The following USP6NL variants were observed in gnomAD, a reference collection of about 807,000 sequenced individuals.
USP6NL encodes USP6 N-terminal-like protein.
A neutral mutation model predicts 61.9 loss-of-function variants in USP6NL; 26 were observed. That is an observed-to-expected ratio of 0.42 (90% CI 0.31 to 0.58). The LOEUF is 0.58. Ranked by LOEUF, USP6NL falls within the 20% of genes least tolerant of loss-of-function variation. USP6NL has a pLI of 0.16. For synonymous variants in USP6NL, 432 were observed against 390.1 expected, an observed-to-expected ratio of 1.11 and a Z score of -1.27; for missense variants, 1,114 against 1,034.3, an observed-to-expected ratio of 1.08 and a Z score of -1.06.
intron 10 of USP6NL, among the ~76,000 whole-genome samples, chr10:11,486,646 A>G (rs1392067337): frequency 6.6e-6 from 1 of 152,248 alleles, no homozygotes; most frequent in Non-Finnish European, 1.5e-5. Flanking sequence ...TTAGGATCCA[A>G]CCTGGGTTCC....
chr10:11,587,426 AAC>A lies in USP6NL; in HGVS notation c.4+10203_4+10204del, dbSNP rs201618747. 0.037 allele frequency among the ~76,000 whole-genome samples: 5,609 copies of A among 151,030 alleles called. 132 individuals are homozygous for A. Among genetic ancestry groups the A allele is most frequent in the South Asian group, 0.07 (336 of 4,818 alleles). On this transcript the variant is annotated intron_variant, in intron 2 of 14. Transcript: ENST00000609104. The surrounding 1 kb of genome is among the most constrained non-coding windows in gnomAD (Gnocchi z 4.5). ...TATCCCTTGCAATTATTAAACTTTTAACAGTCATACTATAAGATGATAAGTAT... is the reference window on the plus strand; with the variant it reads ...TATCCCTTGCAATTATTAAACTTTTAAGTCATACTATAAGATGATAAGTAT...
chr10:11,583,587 T>C (rs935762234), intron 2 of USP6NL, among the ~76,000 whole-genome samples: 1 of 152,146 alleles, frequency 6.6e-6, no homozygotes, highest in Non-Finnish European at 1.5e-5. Context: ...CACACAAATA[T>C]GGAAGAAAAG....
At chr10:11,578,458 T>C (rs1171753249) in intron 2 of USP6NL, among the ~76,000 whole-genome samples, 2 of 152,222 alleles carry the variant, frequency 1.3e-5, no homozygotes, top group Non-Finnish European at 2.9e-5. Context: ...AAGATGATGC[T>C]TGCTTTAAGC....
In USP6NL at chr10:11,595,636, A is replaced by G. The variant is rs191100126; in HGVS notation, c.4+1995T>C. Among the ~76,000 whole-genome samples, 2 of 152,162 alleles carry G rather than the reference A, an allele frequency of 1.3e-5. No individual in the cohort carries two copies. The highest frequency in any genetic ancestry group is 3.9e-4 in the East Asian group (2 of 5,188). On this transcript the variant is annotated intron_variant, in intron 2 of 14. Coordinates refer to ENST00000609104, the MANE Select transcript of USP6NL (RefSeq NM_014688.5). The surrounding 1 kb of genome is among the most constrained non-coding windows in gnomAD (Gnocchi z 5.3). ...ATATGAATCTGCTAGACCAGCATGA[A>G]AAAAACAAAAATCACAAAAAGAAAG...
intron 7 of USP6NL, among the ~76,000 whole-genome samples, chr10:11,500,699 C>T (rs1274085365): frequency 2.0e-5 from 3 of 152,040 alleles, no homozygotes; most frequent in African/African-American, 7.3e-5. Flanking sequence ...GTTGGTTAAA[C>T]TGAATTCTGC....
intron 2 of USP6NL, among the ~76,000 whole-genome samples, chr10:11,586,712 G>A (rs1837978758): frequency 6.6e-6 from 1 of 152,086 alleles, no homozygotes; most frequent in Non-Finnish European, 1.5e-5. Flanking sequence ...AGAAAAGGGG[G>A]TTGTGGAAAA....
intron 2 of USP6NL, among the ~76,000 whole-genome samples, chr10:11,590,165 AC>A (rs1208440544): frequency 6.6e-6 from 1 of 152,202 alleles, no homozygotes; most frequent in Non-Finnish European, 1.5e-5. Flanking sequence ...TCTATGTCCG[AC>A]CTTTCTAACC....
intron 2 of USP6NL, among the ~76,000 whole-genome samples, chr10:11,538,007 G>A (rs1444472155): frequency 6.6e-6 from 1 of 152,148 alleles, no homozygotes; most frequent in Non-Finnish European, 1.5e-5. Context: ...TTGGGAAGAG[G>A]ACAAATTGCC....
chr10:11,522,215 T>C (rs1835239928), intron 4 of USP6NL, among the ~76,000 whole-genome samples: 1 of 152,268 alleles, frequency 6.6e-6, no homozygotes, highest in Admixed American at 6.5e-5. Context: ...TTTCTAAAAC[T>C]GTAATTAGAT....
rs1411518936 is a variant in USP6NL at position 11,590,816 on chromosome 10, C to T, written c.4+6815G>A. The stretch of plus-strand genomic sequence containing the variant: ...GCAGAAGGACGCGGAGAACACGCAC[C>T]TGCATTTGGAATCATGGTACTTTGG... On this transcript the variant is annotated intron_variant, in intron 2 of 14. Coordinates refer to ENST00000609104, the MANE Select transcript of USP6NL (RefSeq NM_014688.5). 2.6e-5 allele frequency among the ~76,000 whole-genome samples: 4 copies of T among 152,024 alleles called. No individual in the cohort carries two copies. The East Asian group carries it at 7.7e-4, about 29-fold the overall frequency.
intron 1 of USP6NL, among the ~76,000 whole-genome samples, chr10:11,609,070 T>C (rs1444375399): frequency 1.3e-5 from 2 of 152,142 alleles, no homozygotes; most frequent in Non-Finnish European, 2.9e-5. Flanking sequence ...TCTTTTCTTT[T>C]CTTTTTTTAT....
At chr10:11,590,290 G>A (rs1838119337) in intron 2 of USP6NL, among the ~76,000 whole-genome samples, 1 of 152,108 alleles carries the variant, frequency 6.6e-6, no homozygotes, top group African/African-American at 2.4e-5. Flanking sequence ...GAAAGACAGA[G>A]GCTTGAAAAT....
Position 11,575,739 on chromosome 10 carries a change from G to C in USP6NL, c.4+21892C>G, listed in dbSNP as rs545535131. Among the ~76,000 whole-genome samples the C allele has an allele frequency of 1.3e-5, 2 of 152,264 alleles. No individual in the cohort carries two copies. The highest frequency in any genetic ancestry group is 1.9e-4 in the East Asian group (1 of 5,190). ...TCATTTTTCATCACACATTGCATCA[G>C]TAAGAATATCTGATCACATACTCTG... On this transcript the variant is annotated intron_variant, in intron 2 of 14. Transcript: ENST00000609104. This position sits in a 1 kb window ranked among gnomAD's most constrained non-coding sequence, Gnocchi z 4.2.
At chr10:11,464,576 C>T (rs762072022) in intron 14 of USP6NL, among the ~76,000 whole-genome samples, 1 of 152,180 alleles carries the variant, frequency 6.6e-6, no homozygotes, top group South Asian at 2.1e-4. Flanking sequence ...CACTATACCA[C>T]CGTGGAGGCA....
At position 11,476,893 on chromosome 10, in the gene USP6NL, AC is replaced by A. The variant is rs1215895762; in HGVS notation, c.1078+4876del. Among the ~76,000 whole-genome samples, 2 of 147,478 alleles carry A rather than the reference AC, an allele frequency of 1.4e-5. No individual in the cohort carries two copies. Among genetic ancestry groups the A allele is most frequent in the Non-Finnish European group, 3.1e-5 (2 of 65,490 alleles). On this transcript the variant is annotated intron_variant, in intron 14 of 14. Coordinates refer to ENST00000609104, the MANE Select transcript of USP6NL (RefSeq NM_014688.5). The surrounding 1 kb of genome is among the most constrained non-coding windows in gnomAD (Gnocchi z 4.3). ...TTTTTATTATTATTATTTTTTCAAG[AC>A]GGAGTCTTGCTCTGTCACCCAGGCT...
At chr10:11,473,090 A>G (rs904467356) in intron 14 of USP6NL, among the ~76,000 whole-genome samples, 2 of 152,248 alleles carry the variant, frequency 1.3e-5, no homozygotes, top group African/African-American at 4.8e-5. Flanking sequence ...ACTGACATAC[A>G]ATAAAATGGC....
chr10:11,603,891 G>A (rs780537937), intron 1 of USP6NL, among the ~76,000 whole-genome samples: 33 of 152,300 alleles, frequency 2.2e-4, no homozygotes, highest in South Asian at 1.7e-3. Context: ...GGTGAAGAGA[G>A]GAAAATTCCT....
intron 14 of USP6NL, among the ~76,000 whole-genome samples, chr10:11,471,923 T>C (rs1466307213): frequency 3.4e-5 from 5 of 149,198 alleles, no homozygotes; most frequent in Admixed American, 3.3e-4. Flanking sequence ...CATGTATACA[T>C]ATGTAACAAA....
At chr10:11,569,609 G>T (rs1692990164) in intron 2 of USP6NL, among the ~76,000 whole-genome samples, 1 of 152,180 alleles carries the variant, frequency 6.6e-6, no homozygotes, top group African/African-American at 2.4e-5. Context: ...GAACCCGAAG[G>T]CTGATCGATA....
Sources: allele counts gnomAD v4.1 joint callset (sites outside exome capture counted in the v4.1 genomes callset), GRCh38; gene constraint gnomAD v4.1.1; non-coding constraint Gnocchi (gnomAD v3.1); transcripts MANE v1.5; gene names NCBI Gene and HGNC (gene_info 2026-07-23, HGNC 2026-07-21).